AP3B1: variants seen among roughly 807,000 people sequenced by gnomAD.
The protein encoded by AP3B1 is adaptor related protein complex 3 subunit beta 1, also known as AP-3 complex subunit beta-1.
Under a neutral mutation model 132.5 loss-of-function variants are expected in AP3B1, and 61 were observed. That is an observed-to-expected ratio of 0.46 (90% confidence interval 0.37 to 0.57). The LOEUF (loss-of-function observed/expected upper bound fraction) is 0.57. Ranked by LOEUF, AP3B1 falls within the 20% of genes least tolerant of loss-of-function variation. The pLI, the probability that AP3B1 is intolerant of heterozygous loss-of-function variation, is 0.00. For missense variants in AP3B1, 1,120 were observed against 1,289.4 expected, an observed-to-expected ratio of 0.87 and a Z score of 2.01; for synonymous variants, 388 against 438.3, an observed-to-expected ratio of 0.89 and a Z score of 1.43.
At chr5:78,161,356 T>C (rs962818464) in intron 13 of AP3B1, among the ~76,000 whole-genome samples, 2 of 152,010 alleles carry the variant, frequency 1.3e-5, no homozygotes, top group Non-Finnish European at 2.9e-5. Context: ...TCTAACTAAT[T>C]TCCGGTGCTT....
intron 1 of AP3B1, among the ~76,000 whole-genome samples, chr5:78,273,029 A>G (rs1019270974): frequency 6.6e-6 from 1 of 152,200 alleles, no homozygotes; most frequent in Non-Finnish European, 1.5e-5. Flanking sequence ...ATACACACAT[A>G]TATGTATGCA....
chr5:78,053,062 G>C (rs562725018), intron 22 of AP3B1, among the ~76,000 whole-genome samples: 1 of 152,194 alleles, frequency 6.6e-6, no homozygotes, highest in Non-Finnish European at 1.5e-5. Flanking sequence ...GTTAAGCTGT[G>C]ATTTGAAAGA....
chr5:78,017,878 A>G (rs1463091247), intron 25 of AP3B1, among the ~76,000 whole-genome samples: 1 of 152,074 alleles, frequency 6.6e-6, no homozygotes, highest in Non-Finnish European at 1.5e-5. Flanking sequence ...AAGGCAGTAG[A>G]TAGCACTTAC....
chr5:78,062,904 T>G (rs921108961), intron 22 of AP3B1, among the ~76,000 whole-genome samples: 16 of 152,076 alleles, frequency 1.1e-4, no homozygotes, highest in African/African-American at 3.6e-4. Context: ...ATGAACAAAT[T>G]ATGATGGGCC....
At chr5:78,187,127 A>C (rs1054415798) in intron 7 of AP3B1, among the ~76,000 whole-genome samples, 1 of 152,208 alleles carries the variant, frequency 6.6e-6, no homozygotes, top group Non-Finnish European at 1.5e-5. Flanking sequence ...CTTAATAAAA[A>C]GACTATAAGT....
At chr5:78,009,334 C>G (rs1746521385) in intron 26 of AP3B1, among the ~76,000 whole-genome samples, 1 of 151,500 alleles carries the variant, frequency 6.6e-6, no homozygotes, top group African/African-American at 2.4e-5. Flanking sequence ...GTGGCATGCA[C>G]TTGTAGTCCT....
chr5:78,163,065 T>C (rs571751957), intron 12 of AP3B1, 114 bp from the exon 13 acceptor site: 2 of 987,976 alleles, frequency 2.0e-6, no homozygotes, highest in Admixed American at 3.7e-5. Context: ...AAACTTCTCA[T>C]AAGCACAATA....
intron 15 of AP3B1, among the ~76,000 whole-genome samples, chr5:78,129,572 A>G (rs1007950340): frequency 3.9e-5 from 6 of 152,150 alleles, no homozygotes; most frequent in African/African-American, 1.4e-4. Flanking sequence ...GAAAGGCATC[A>G]TTAAAAAAAT....
In AP3B1 at chr5:78,039,148, T is replaced by C; in HGVS notation, c.2704A>G (p.Ile902Val). The change falls in exon 23 of 27, where the codon ATA becomes GTA. Residue 902 changes from isoleucine to valine, a missense_variant. Physicochemically the swap from Ile to Val is conservative, Grantham distance 29 (BLOSUM62 3). Transcript: ENST00000255194. The part of the protein sequence containing the change: ...PCIFGDKMVS[I>V]QITLNNTTDR... The stretch of plus-strand genomic sequence containing the variant: ...GTAGTGTTATTCAGTGTTATTTGTA[T>C]AGAGACCATCTTATCACCAAAAATG... 6.2e-7 allele frequency: 1 copy of C among 1,613,728 alleles called. No homozygotes were observed. Among genetic ancestry groups the C allele is most frequent in the South Asian group, 1.1e-5 (1 of 91,074 alleles).
At chr5:78,170,330 A>G (rs1341747459) in intron 11 of AP3B1, among the ~76,000 whole-genome samples, 1 of 152,226 alleles carries the variant, frequency 6.6e-6, no homozygotes, top group Non-Finnish European at 1.5e-5. Context: ...AGGAATCACC[A>G]CACTGTCTTC....
chr5:78,203,778 T>G (rs959324516), intron 7 of AP3B1, among the ~76,000 whole-genome samples: 2 of 152,194 alleles, frequency 1.3e-5, no homozygotes, highest in African/African-American at 4.8e-5. Flanking sequence ...TCTGTTCATC[T>G]TCATGCTTTT....
intron 24 of AP3B1, 112 bp from the exon 25 acceptor site, chr5:78,020,901 T>C: frequency 1.2e-6 from 1 of 859,630 alleles, no homozygotes; most frequent in Non-Finnish European, 1.8e-6. Flanking sequence ...GTATAAGACC[T>C]TTTTGGTTTA....
At chr5:78,096,805 C>G (rs1382209229) in intron 21 of AP3B1, among the ~76,000 whole-genome samples, 8 of 151,486 alleles carry the variant, frequency 5.3e-5, no homozygotes, top group African/African-American at 1.9e-4. Context: ...TGAGGAGCGT[C>G]TCCGCCCGGC....
intron 22 of AP3B1, among the ~76,000 whole-genome samples, chr5:78,055,057 A>T (rs1748750270): frequency 7.1e-6 from 1 of 141,500 alleles, no homozygotes; most frequent in Non-Finnish European, 1.6e-5. Flanking sequence ...ACACACACAC[A>T]CTTACTTATA....
chr5:78,178,261 A>G lies in AP3B1; in HGVS notation c.943-825T>C, dbSNP rs573992276. ...AAACAAATACATCTACAGCAGTAGCATTTAAAATAATCTTGTTTTTAAAAA... is the reference window on the plus strand; with the variant it reads ...AAACAAATACATCTACAGCAGTAGCGTTTAAAATAATCTTGTTTTTAAAAA... On this transcript the variant is annotated intron_variant, in intron 8 of 26. Transcript: ENST00000255194. 1.1e-3 allele frequency among the ~76,000 whole-genome samples: 164 copies of G among 152,354 alleles called. 1 individual carries two copies. Among genetic ancestry groups the G allele is most frequent in the African/African-American group, 3.0e-3 (124 of 41,580 alleles).
intron 3 of AP3B1, among the ~76,000 whole-genome samples, chr5:78,232,897 G>A (rs998412722): frequency 2.6e-5 from 4 of 152,052 alleles, no homozygotes; most frequent in African/African-American, 9.7e-5. Flanking sequence ...AGTAGAGACA[G>A]GGTTTTGCCA....
chr5:78,139,214 T>A (rs1364565927), intron 15 of AP3B1, among the ~76,000 whole-genome samples: 1 of 152,172 alleles, frequency 6.6e-6, no homozygotes, highest in East Asian at 1.9e-4. Context: ...TTGATTGACA[T>A]TTGATTTTGG....
intron 24 of AP3B1, among the ~76,000 whole-genome samples, chr5:78,030,771 G>C (rs1421483624): frequency 6.6e-6 from 1 of 152,024 alleles, no homozygotes; most frequent in Non-Finnish European, 1.5e-5. Flanking sequence ...TGAACTCCTG[G>C]GTTCCAGTGA....
chr5:78,238,060 C>T (rs901601204), intron 3 of AP3B1, among the ~76,000 whole-genome samples: 4 of 152,200 alleles, frequency 2.6e-5, no homozygotes, highest in African/African-American at 9.7e-5. Context: ...ACACAGCAGG[C>T]AGTGAGCAGT....
Sources: gnomAD v4.1 joint callset for allele counts (sites outside exome capture counted in the v4.1 genomes callset) on GRCh38, gnomAD v4.1.1 for gene constraint, MANE v1.5 for transcripts, NCBI Gene and HGNC (gene_info 2026-07-23, HGNC 2026-07-21) for gene names.